The following DCC variants were observed in gnomAD, a reference collection of about 807,000 sequenced individuals.
DCC encodes the protein DCC netrin 1 receptor.
Under a neutral mutation model 172.5 loss-of-function variants are expected in DCC, and 58 were observed. That is an observed-to-expected ratio of 0.34 (90% confidence interval 0.27 to 0.42). DCC has a LOEUF of 0.42. DCC is among the 10% of genes least tolerant of loss of function. The pLI, the probability that DCC is intolerant of heterozygous loss-of-function variation, is 1.00. For missense variants in DCC, 1,740 were observed against 1,791.0 expected (o/e 0.97, Z 0.51); for synonymous variants, 709 against 644.5 (o/e 1.10, Z -1.52).
intron 2 of DCC, among the ~76,000 whole-genome samples, chr18:52,829,675 C>T (rs779454853): frequency 6.6e-6 from 1 of 151,666 alleles, no homozygotes; most frequent in Non-Finnish European, 1.5e-5. Context: ...GATCTGTGTT[C>T]ACATGCATAT....
At chr18:52,751,847 C>T (rs959462416) in intron 1 of DCC, among the ~76,000 whole-genome samples, 12 of 151,516 alleles carry the variant, frequency 7.9e-5, no homozygotes, top group Non-Finnish European at 1.6e-4. Context: ...ACTTTTGGAG[C>T]CAATTGTTTT....
At chr18:53,516,965 T>G (rs1176452215) in intron 27 of DCC, among the ~76,000 whole-genome samples, 1 of 145,460 alleles carries the variant, frequency 6.9e-6, no homozygotes, top group Non-Finnish European at 1.5e-5. Context: ...CCCAAAGGAC[T>G]ATAAATCATG....
chr18:52,628,062 A>G (rs2034605824), intron 1 of DCC, among the ~76,000 whole-genome samples: 1 of 152,096 alleles, frequency 6.6e-6, no homozygotes, highest in Admixed American at 6.6e-5. Flanking sequence ...GGGAAAAAGT[A>G]TTTTCCTTTA....
At chr18:53,399,336 A>G (rs1206455048) in intron 18 of DCC, among the ~76,000 whole-genome samples, 1 of 152,132 alleles carries the variant, frequency 6.6e-6, no homozygotes, top group African/African-American at 2.4e-5. Flanking sequence ...CTTTTGAGAC[A>G]GGTGATCACA....
intron 1 of DCC, among the ~76,000 whole-genome samples, chr18:52,724,641 G>A (rs1000631256): frequency 6.6e-6 from 1 of 152,118 alleles, no homozygotes; most frequent in African/African-American, 2.4e-5. Context: ...GTACATCCTG[G>A]TTATTTTTTG....
intron 12 of DCC, among the ~76,000 whole-genome samples, chr18:53,274,273 C>A (rs78530746): frequency 6.6e-6 from 1 of 152,064 alleles, no homozygotes; most frequent in African/African-American, 2.4e-5. Context: ...CATGTTATAT[C>A]AATCATGTTT....
At position 52,340,390 on chromosome 18, in the gene DCC, G is replaced by A. The variant is rs916874924; in HGVS notation, c.-398G>A. ...GCCTCAACCTTTTAATGCACAGCCCGGCCACAGGATTGCCTTCCATCTCCT... is the reference window on the plus strand; with the variant it reads ...GCCTCAACCTTTTAATGCACAGCCCAGCCACAGGATTGCCTTCCATCTCCT... On this transcript the variant is annotated 5_prime_UTR_variant, in exon 1 of 29. Transcript: ENST00000442544. The A allele has an allele frequency of 1.0e-4, 27 of 259,398 alleles. No homozygotes were observed. Among genetic ancestry groups the A allele is most frequent in the African/African-American group, 5.5e-4 (25 of 45,838 alleles). 16.1% of individuals were successfully genotyped at this position (259,398 alleles called of 1,614,324 possible). A position where few individuals can be genotyped will look rare whatever the true frequency, so the allele number is the denominator to read the frequency against.
chr18:53,427,414 T>C (rs1440468731), intron 21 of DCC, among the ~76,000 whole-genome samples: 3 of 152,100 alleles, frequency 2.0e-5, no homozygotes, highest in African/African-American at 7.2e-5. Context: ...TTTTATTCTA[T>C]TAAGAATTCA....
intron 2 of DCC, among the ~76,000 whole-genome samples, chr18:52,828,946 A>T (rs16955630): frequency 3.9e-5 from 6 of 152,042 alleles, no homozygotes; most frequent in Non-Finnish European, 8.8e-5. Context: ...AAATTGTTTA[A>T]GATGATGACA....
intron 2 of DCC, among the ~76,000 whole-genome samples, chr18:52,855,487 A>T (rs2039037521): frequency 6.6e-6 from 1 of 152,214 alleles, no homozygotes; most frequent in Non-Finnish European, 1.5e-5. Context: ...CATGACCGTG[A>T]TGTGGTACAA....
intron 8 of DCC, among the ~76,000 whole-genome samples, chr18:53,158,104 T>C (rs1469313330): frequency 1.3e-5 from 2 of 151,556 alleles, no homozygotes; most frequent in African/African-American, 2.4e-5. Flanking sequence ...TGTACATCTA[T>C]TATGTCCCCA....
chr18:52,783,027 A>G (rs755160590), intron 2 of DCC, among the ~76,000 whole-genome samples: 2 of 152,098 alleles, frequency 1.3e-5, no homozygotes, highest in African/African-American at 2.4e-5. Context: ...AAGAGATCAT[A>G]CTGATTCCCA....
intron 2 of DCC, among the ~76,000 whole-genome samples, chr18:52,887,064 T>C (rs1279213546): frequency 6.6e-6 from 1 of 152,000 alleles, no homozygotes; most frequent in African/African-American, 2.4e-5. Context: ...TGGAGTGGAG[T>C]AGCCATGGTA....
intron 27 of DCC, among the ~76,000 whole-genome samples, chr18:53,508,551 T>G (rs1036203048): frequency 5.3e-5 from 8 of 152,144 alleles, no homozygotes; most frequent in Non-Finnish European, 8.8e-5. Context: ...AAAATTAACT[T>G]TTAGTTTTAG....
chr18:52,984,275 T>C (rs897035191), intron 5 of DCC, among the ~76,000 whole-genome samples: 1 of 152,144 alleles, frequency 6.6e-6, no homozygotes, highest in African/African-American at 2.4e-5. Context: ...AATTTTTCTC[T>C]ATAGATAAAT....
intron 1 of DCC, among the ~76,000 whole-genome samples, chr18:52,473,659 A>G (rs1989009591): frequency 6.6e-6 from 1 of 152,184 alleles, no homozygotes; most frequent in South Asian, 2.1e-4. Context: ...CTAACTCACT[A>G]TCATGAGAAC....
chr18:53,074,886 A>G (rs1332410101), intron 7 of DCC, among the ~76,000 whole-genome samples: 1 of 152,136 alleles, frequency 6.6e-6, no homozygotes, highest in African/African-American at 2.4e-5. Flanking sequence ...AACCTTTCCA[A>G]GTCTCTATTT....
chr18:52,935,887 G>A (rs182363561), intron 5 of DCC, among the ~76,000 whole-genome samples: 4 of 152,046 alleles, frequency 2.6e-5, no homozygotes, highest in East Asian at 1.9e-4. Flanking sequence ...CTCTGCCTAC[G>A]TAGCAGTCCT....
rs541140369 is a variant in DCC, at chr18:53,432,982, G to A, written c.3164-2162G>A. Among the ~76,000 whole-genome samples, 7 of 152,072 alleles carry A rather than the reference G, an allele frequency of 4.6e-5. No homozygotes were observed. The South Asian group carries it at 6.2e-4, about 14-fold the overall frequency. On this transcript the variant is annotated intron_variant, in intron 21 of 28. Transcript: ENST00000442544. Reference sequence around the variant, plus strand: ...AATCACTATAAATCTAAACTTGCTCGTTGGTGACATCAACTTTTTAAAAAG... The same window carrying A: ...AATCACTATAAATCTAAACTTGCTCATTGGTGACATCAACTTTTTAAAAAG...
Sources: allele counts gnomAD v4.1 joint callset (sites outside exome capture counted in the v4.1 genomes callset), GRCh38; gene constraint gnomAD v4.1.1; transcripts MANE v1.5; gene names NCBI Gene and HGNC (gene_info 2026-07-23, HGNC 2026-07-21).